Variants in ARRB1 observed in about 807,000 individuals in gnomAD.
The protein encoded by ARRB1 is arrestin beta 1, also known as beta-arrestin-1.
Under a neutral mutation model 56.8 loss-of-function variants are expected in ARRB1, and 21 were observed. The observed-to-expected ratio is 0.37, with a 90% CI of 0.26 to 0.53. The LOEUF is 0.53. Ranked by LOEUF, ARRB1 falls within the 20% of genes least tolerant of loss-of-function variation. The pLI, the probability that ARRB1 is intolerant of heterozygous loss-of-function variation, is 0.88. For synonymous variants in ARRB1, 210 were observed against 218.6 expected, an observed-to-expected ratio of 0.96 and a Z score of 0.35; for missense variants, 424 against 553.7, an observed-to-expected ratio of 0.77 and a Z score of 2.35.
chr11:75,338,896 G>A (rs533451329), intron 1 of ARRB1, among the ~76,000 whole-genome samples: 18 of 152,302 alleles, frequency 1.2e-4, no homozygotes, highest in South Asian at 2.1e-4. Flanking sequence ...AACCAGTGAT[G>A]AGCCCTGCTA....
At chr11:75,335,803 T>C (rs1321255288) in intron 1 of ARRB1, among the ~76,000 whole-genome samples, 1 of 152,152 alleles carries the variant, frequency 6.6e-6, no homozygotes, top group Non-Finnish European at 1.5e-5. Flanking sequence ...TAGGGTATGA[T>C]ACAGTTTACC....
intron 1 of ARRB1, among the ~76,000 whole-genome samples, chr11:75,342,362 T>A (rs1325047122): frequency 6.6e-6 from 1 of 152,064 alleles, no homozygotes; most frequent in Non-Finnish European, 1.5e-5. Flanking sequence ...GAGCAATGCT[T>A]GGGTGGTTTA....
intron 1 of ARRB1, among the ~76,000 whole-genome samples, chr11:75,295,388 G>A (rs1030109787): frequency 6.6e-6 from 1 of 152,084 alleles, no homozygotes; most frequent in Non-Finnish European, 1.5e-5. Context: ...GCCCTTCCCA[G>A]CTTCTAGGGG....
chr11:75,336,358 G>C (rs1443620402), intron 1 of ARRB1, among the ~76,000 whole-genome samples: 1 of 151,970 alleles, frequency 6.6e-6, no homozygotes, highest in Non-Finnish European at 1.5e-5. Context: ...ACCCTGCCAA[G>C]CTGCAGATGG....
chr11:75,327,435 G>A (rs958966755), intron 1 of ARRB1, among the ~76,000 whole-genome samples: 1 of 151,850 alleles, frequency 6.6e-6, no homozygotes, highest in Non-Finnish European at 1.5e-5. Flanking sequence ...CCAAAGTGCT[G>A]GGATTACAGG....
intron 1 of ARRB1, chr11:75,312,165 C>G (rs1947177241): frequency 7.8e-7 from 1 of 1,287,508 alleles, no homozygotes; most frequent in Non-Finnish European, 1.0e-6. Flanking sequence ...CCCTCGCCCT[C>G]CCCGGGGAGT....
chr11:75,315,720 T>G (rs992230551), intron 1 of ARRB1, among the ~76,000 whole-genome samples: 1 of 152,214 alleles, frequency 6.6e-6, no homozygotes, highest in African/African-American at 2.4e-5. Context: ...GCCAGTTTCC[T>G]GTGAGAGAGA....
intron 1 of ARRB1, among the ~76,000 whole-genome samples, chr11:75,334,901 G>A (rs535907985): frequency 6.6e-6 from 1 of 151,820 alleles, no homozygotes; most frequent in South Asian, 2.1e-4. Flanking sequence ...GCTGGGCTTG[G>A]GCGCCTAAAG....
intron 1 of ARRB1, among the ~76,000 whole-genome samples, chr11:75,342,942 C>T (rs1591993206): frequency 2.6e-5 from 4 of 152,280 alleles, no homozygotes; most frequent in African/African-American, 9.6e-5. Context: ...AATCTAATTC[C>T]TATGGCTCTG....
intron 1 of ARRB1, among the ~76,000 whole-genome samples, chr11:75,325,909 C>G (rs534889): frequency 0.61 from 92,277 of 152,004 alleles, 28,613 homozygotes; most frequent in African/African-American, 0.74. Flanking sequence ...AGCAAAAGCC[C>G]CAGGCCCAAC....
chr11:75,298,410 C>T (rs1249733695), intron 1 of ARRB1, among the ~76,000 whole-genome samples: 3 of 152,024 alleles, frequency 2.0e-5, no homozygotes, highest in African/African-American at 7.2e-5. Context: ...AGGCATTTGT[C>T]CAAAGAAGAT....
intron 1 of ARRB1, among the ~76,000 whole-genome samples, chr11:75,317,267 A>G (rs1591969680): frequency 6.6e-6 from 1 of 152,074 alleles, no homozygotes; most frequent in East Asian, 1.9e-4. Flanking sequence ...GATCAGGAAG[A>G]TGAGGCCCCC....
intron 1 of ARRB1, among the ~76,000 whole-genome samples, chr11:75,329,771 T>C (rs961793739): frequency 6.6e-6 from 1 of 152,116 alleles, no homozygotes; most frequent in Non-Finnish European, 1.5e-5. Flanking sequence ...GGTGGGAGGA[T>C]TGCTTGAGCC....
intron 1 of ARRB1, among the ~76,000 whole-genome samples, chr11:75,333,455 T>C (rs1430139821): frequency 6.6e-6 from 1 of 152,048 alleles, no homozygotes; most frequent in East Asian, 1.9e-4. Context: ...TGAACAAAAA[T>C]CAGTCCTTGC....
intron 2 of ARRB1, among the ~76,000 whole-genome samples, chr11:75,288,206 A>G (rs1238709628): frequency 6.6e-6 from 1 of 152,186 alleles, no homozygotes; most frequent in East Asian, 1.9e-4. Context: ...GTTATTTATC[A>G]TGTACAACAC....
intron 14 of ARRB1, among the ~76,000 whole-genome samples, chr11:75,268,590 C>G (rs1417533173): frequency 1.3e-5 from 2 of 151,856 alleles, no homozygotes; most frequent in Non-Finnish European, 2.9e-5. Flanking sequence ...TCCAAGCAGC[C>G]CCTTCCCCTA....
intron 13 of ARRB1, chr11:75,269,276 G>A (rs1008603799): frequency 5.0e-5 from 27 of 541,426 alleles, no homozygotes; most frequent in African/African-American, 1.9e-4. Flanking sequence ...TGGTCACTGC[G>A]GGGCTCCAGA....
In ARRB1 at chr11:75,264,479, G is replaced by A. The variant is rs1330066379; in HGVS notation, c.*1684C>T. The A allele has an allele frequency of 1.3e-5, 2 of 152,266 alleles. No individual in the cohort carries two copies. The highest frequency in any genetic ancestry group is 2.9e-5 in the Non-Finnish European group (2 of 68,088). The allele number at this position is 152,266 out of a possible 1,614,324, so 9.4% of individuals were successfully genotyped here. A position where few individuals can be genotyped will look rare whatever the true frequency, so the allele number is the denominator to read the frequency against. ...GCCCTATCATAAGCCCCTCAGCCAA[G>A]CCTCAGCAAAGATATGCTCTGTCCC... is the stretch of plus-strand genomic sequence containing the variant. On this transcript the variant is annotated 3_prime_UTR_variant, in exon 16 of 16. Transcript: ENST00000420843.
rs1388254245 is a variant in ARRB1, at chr11:75,263,725, G to A, written c.*2438C>T. Among the ~76,000 whole-genome samples, 2 of 149,916 alleles carry A rather than the reference G, an allele frequency of 1.3e-5. No homozygotes were observed. The highest frequency in any genetic ancestry group is 2.9e-5 in the Non-Finnish European group (2 of 67,814). ...CTAAATTTGGCCATTGCCTTGTGCAGTCCTGGCTCCAGGAGAAAAAAAAAA... is the reference window on the plus strand; with the variant it reads ...CTAAATTTGGCCATTGCCTTGTGCAATCCTGGCTCCAGGAGAAAAAAAAAA... On this transcript the variant is annotated 3_prime_UTR_variant, in exon 16 of 16. Coordinates refer to ENST00000420843, the MANE Select transcript of ARRB1 (RefSeq NM_004041.5).
Sources: gnomAD v4.1 joint callset for allele counts (sites outside exome capture counted in the v4.1 genomes callset) on GRCh38, gnomAD v4.1.1 for gene constraint, MANE v1.5 for transcripts, NCBI Gene and HGNC (gene_info 2026-07-23, HGNC 2026-07-21) for gene names.